Variants in RBFOX1 observed in about 807,000 individuals in gnomAD.
The protein encoded by RBFOX1 is RNA binding fox-1 homolog 1.
RBFOX1 carries 8 observed loss-of-function variants against 57.7 expected under a neutral mutation model. The ratio of observed to expected loss-of-function variants is 0.14; its 90% CI spans 0.08 to 0.25. RBFOX1 has a LOEUF of 0.25. Ranked by LOEUF, RBFOX1 falls within the 10% of genes least tolerant of loss-of-function variation. The pLI is 1.00. For missense variants in RBFOX1, 611 were observed against 548.5 expected (o/e 1.11, Z -1.14); for synonymous variants, 326 against 222.4 (o/e 1.47, Z -4.15).
intron 4 of RBFOX1, chr16:7,422,830 T>A (rs2098555298): frequency 6.6e-6 from 1 of 152,158 alleles, no homozygotes; most frequent in African/African-American, 2.4e-5. Context: ...TAATTTCCCA[T>A]CCCCTTTGCC....
In RBFOX1 at chr16:5,447,684, C is replaced by A. The variant is rs540732691; in HGVS notation, c.220-19532C>A. Among the ~76,000 whole-genome samples, 105 of 152,236 alleles carry A rather than the reference C, an allele frequency of 6.9e-4. 1 individual carries two copies. The highest frequency in any genetic ancestry group is 3.1e-4 in the Non-Finnish European group (21 of 68,044). On this transcript the variant is annotated intron_variant, in intron 1 of 2. Coordinates refer to the RBFOX1 transcript ENST00000585867. ...GTGCTGGGATTACTGGCATGAGCCA[C>A]CGTGCCCGGCTGCCATTCTCTCTTT... is the stretch of plus-strand genomic sequence containing the variant.
chr16:7,164,072 C>T (rs1454255551), intron 4 of RBFOX1, among the ~76,000 whole-genome samples: 1 of 152,154 alleles, frequency 6.6e-6, no homozygotes, highest in Non-Finnish European at 1.5e-5. Context: ...TTCACTAAAG[C>T]AGTGTACACT....
intron 3 of RBFOX1, among the ~76,000 whole-genome samples, chr16:6,871,994 C>G (rs2060992763): frequency 6.7e-6 from 1 of 150,008 alleles, no homozygotes; most frequent in South Asian, 2.1e-4. Flanking sequence ...ATCTCTGAAA[C>G]CCTTTGTATA....
chr16:5,827,465 A>C (rs925238943), intron 3 of RBFOX1, among the ~76,000 whole-genome samples: 2 of 151,758 alleles, frequency 1.3e-5, no homozygotes, highest in African/African-American at 4.8e-5. Context: ...CTACTTCTAC[A>C]CAGTAGTTGA....
intron 1 of RBFOX1, among the ~76,000 whole-genome samples, chr16:6,164,023 G>A (rs1193028284): frequency 3.3e-5 from 5 of 152,134 alleles, no homozygotes; most frequent in South Asian, 4.1e-4. Context: ...TGTGACGAGA[G>A]TAGTTGAAAT....
intron 2 of RBFOX1, among the ~76,000 whole-genome samples, chr16:5,569,460 T>TC (rs2046197986): frequency 9.2e-6 from 1 of 108,530 alleles, no homozygotes. Flanking sequence ...TTTTTTTTTT[T>TC]TTTTTTTCTT....
At chr16:7,598,993 C>T (rs1246003686) in intron 9 of RBFOX1, among the ~76,000 whole-genome samples, 3 of 152,190 alleles carry the variant, frequency 2.0e-5, no homozygotes, top group East Asian at 3.8e-4. Context: ...AAAGGGGCAT[C>T]ATTCAACAGG....
At chr16:7,178,187 C>CA (rs1258034121) in intron 4 of RBFOX1, among the ~76,000 whole-genome samples, 1 of 152,326 alleles carries the variant, frequency 6.6e-6, no homozygotes, top group Admixed American at 6.5e-5. Context: ...CAAAGCCCAC[C>CA]ATGGGCATCT....
At chr16:5,963,830 C>T (rs541116807) in intron 4 of RBFOX1, among the ~76,000 whole-genome samples, 26 of 152,268 alleles carry the variant, frequency 1.7e-4, no homozygotes, top group Admixed American at 1.0e-3. Flanking sequence ...GAGAAAGTGC[C>T]TTGACATTGG....
chr16:6,063,931 G>C (rs977222111), intron 1 of RBFOX1, among the ~76,000 whole-genome samples: 9 of 152,072 alleles, frequency 5.9e-5, no homozygotes, highest in African/African-American at 2.2e-4. Context: ...ATTTCTGTAA[G>C]CATAACACAT....
At chr16:7,416,210 G>C (rs1318994604) in intron 4 of RBFOX1, among the ~76,000 whole-genome samples, 1 of 152,136 alleles carries the variant, frequency 6.6e-6, no homozygotes, top group African/African-American at 2.4e-5. Flanking sequence ...TCAATAAAAG[G>C]AAATCTCTGT....
chr16:5,650,629 A>ATT (rs2049204551), intron 3 of RBFOX1, among the ~76,000 whole-genome samples: 1 of 152,186 alleles, frequency 6.6e-6, no homozygotes, highest in Non-Finnish European at 1.5e-5. Flanking sequence ...AGCTGCTTAG[A>ATT]TAAACACCAG....
At chr16:6,943,533 C>T (rs2078927183) in intron 3 of RBFOX1, among the ~76,000 whole-genome samples, 1 of 151,912 alleles carries the variant, frequency 6.6e-6, no homozygotes, top group Non-Finnish European at 1.5e-5. Flanking sequence ...ATGGTGAAAC[C>T]CCATCTCTAC....
chr16:7,220,894 G>T (rs2092679439), intron 4 of RBFOX1, among the ~76,000 whole-genome samples: 1 of 152,018 alleles, frequency 6.6e-6, no homozygotes, highest in Admixed American at 6.6e-5. Context: ...GGATACTTCT[G>T]GGACTGCTCT....
At chr16:6,784,607 T>C (rs1334577113) in intron 3 of RBFOX1, among the ~76,000 whole-genome samples, 1 of 152,170 alleles carries the variant, frequency 6.6e-6, no homozygotes, top group African/African-American at 2.4e-5. Flanking sequence ...ATCTCTAGGA[T>C]TGATCACTGA....
At chr16:7,245,454 A>T (rs1382357608) in intron 4 of RBFOX1, among the ~76,000 whole-genome samples, 1 of 80,038 alleles carries the variant, frequency 1.2e-5, no homozygotes, top group Non-Finnish European at 2.2e-5. Flanking sequence ...TTGAAACTCA[A>T]GGTTAAACCA....
At chr16:6,145,846 T>C (rs959182847) in intron 1 of RBFOX1, among the ~76,000 whole-genome samples, 4 of 152,190 alleles carry the variant, frequency 2.6e-5, no homozygotes, top group African/African-American at 9.6e-5. Flanking sequence ...ATTAATGGTG[T>C]TGCTTTTCTT....
intron 4 of RBFOX1, among the ~76,000 whole-genome samples, chr16:5,988,734 T>A: frequency 6.6e-6 from 1 of 152,188 alleles, no homozygotes; most frequent in East Asian, 1.9e-4. Flanking sequence ...TCTTTGTGGA[T>A]CAGTAATCTG....
chr16:5,812,868 T>C (rs887980805), intron 3 of RBFOX1, among the ~76,000 whole-genome samples: 2 of 152,230 alleles, frequency 1.3e-5, no homozygotes, highest in Admixed American at 1.3e-4. Context: ...ATCTTTCAAC[T>C]TCTGGTTTTC....
Sources: gnomAD v4.1 joint callset for allele counts (sites outside exome capture counted in the v4.1 genomes callset) on GRCh38, gnomAD v4.1.1 for gene constraint, MANE v1.5 for transcripts, NCBI Gene and HGNC (gene_info 2026-07-23, HGNC 2026-07-21) for gene names.